The following RBM18 variants were observed in gnomAD, a reference collection of about 807,000 sequenced individuals.
RBM18 encodes RNA binding motif protein 18.
RBM18 carries 18 observed loss-of-function variants against 26.4 expected under a neutral mutation model. The ratio of observed to expected loss-of-function variants is 0.68; its 90% CI spans 0.47 to 1.01. The LOEUF (loss-of-function observed/expected upper bound fraction) is 1.01, where lower values mean the gene tolerates loss of function less well. RBM18 is among the 50% of genes least tolerant of loss of function. The pLI, the probability that RBM18 is intolerant of heterozygous loss-of-function variation, is 0.00. For synonymous variants in RBM18, 74 were observed against 81.1 expected, an observed-to-expected ratio of 0.91 and a Z score of 0.47; for missense variants, 180 against 219.2, an observed-to-expected ratio of 0.82 and a Z score of 1.13.
intron 2 of RBM18, among the ~76,000 whole-genome samples, chr9:122,255,083 C>T (rs916308213): frequency 1.8e-4 from 28 of 152,060 alleles, no homozygotes; most frequent in African/African-American, 2.9e-4. Flanking sequence ...ATTTTAATTT[C>T]GGGTTGTAGG....
At chr9:122,246,583 T>C (rs775057720) in intron 4 of RBM18, among the ~76,000 whole-genome samples, 1 of 152,236 alleles carries the variant, frequency 6.6e-6, no homozygotes, top group African/African-American at 2.4e-5. Flanking sequence ...GTCCTAGAAA[T>C]TGAGAAGGCT....
At position 122,238,468 on chromosome 9, in the gene RBM18, T is replaced by A. The variant is rs948112665; in HGVS notation, c.*3416A>T. ...GATCATTAACATTTGAGCAGAGACA[T>A]GAGTCAGGTGAGAGAGCGGGCTCTG... On this transcript the variant is annotated 3_prime_UTR_variant, in exon 6 of 6. Transcript: ENST00000417201. 1 of 152,144 alleles carries A rather than the reference T, an allele frequency of 6.6e-6. No homozygotes were observed. The allele number at this position is 152,144 out of a possible 1,614,324, so 9.4% of individuals were successfully genotyped here.
At chr9:122,263,960 T>C (rs927843689) in intron 1 of RBM18, among the ~76,000 whole-genome samples, 2 of 152,242 alleles carry the variant, frequency 1.3e-5, no homozygotes, top group African/African-American at 4.8e-5. Flanking sequence ...TCCTTGTTAT[T>C]CTATATCATA....
Position 122,241,704 on chromosome 9 carries a change from A to AT in RBM18, c.*179dup. 5 of 548,042 alleles carry AT rather than the reference A, an allele frequency of 9.1e-6. No individual in the cohort carries two copies. Among genetic ancestry groups the AT allele is most frequent in the Non-Finnish European group, 1.6e-5 (5 of 314,114 alleles). The allele number at this position is 548,042 out of a possible 1,614,324, so 33.9% of individuals were successfully genotyped here. A position where few individuals can be genotyped will look rare whatever the true frequency, so the allele number is the denominator to read the frequency against. ...CGCTATTTATTCTGGATGATGCTCAATTCCATACATAGTTTAGGGAAGAAA... is the reference window on the plus strand; with the variant it reads ...CGCTATTTATTCTGGATGATGCTCAATTTCCATACATAGTTTAGGGAAGAAA... On this transcript the variant is annotated 3_prime_UTR_variant, in exon 6 of 6. Transcript: ENST00000417201.
At chr9:122,250,935 T>A (rs1424429218) in intron 3 of RBM18, among the ~76,000 whole-genome samples, 2 of 151,384 alleles carry the variant, frequency 1.3e-5, no homozygotes, top group Non-Finnish European at 2.9e-5. Flanking sequence ...TTATTATTAT[T>A]ATGAGATGGA....
chr9:122,242,712 C>T (rs1012862313), intron 5 of RBM18, among the ~76,000 whole-genome samples: 10 of 151,484 alleles, frequency 6.6e-5, no homozygotes, highest in African/African-American at 2.4e-4. Context: ...GGCTGTAATA[C>T]AGTGGTGCCA....
intron 2 of RBM18, among the ~76,000 whole-genome samples, chr9:122,258,514 G>T (rs942089369): frequency 6.6e-6 from 1 of 152,102 alleles, no homozygotes; most frequent in South Asian, 2.1e-4. Context: ...TGATTCACCC[G>T]CCTCGGCCTC....
At chr9:122,262,324 T>TCA (rs1160595496) in intron 1 of RBM18, among the ~76,000 whole-genome samples, 1 of 152,230 alleles carries the variant, frequency 6.6e-6, no homozygotes, top group Non-Finnish European at 1.5e-5. Context: ...TTCCCTCATC[T>TCA]GTAAAATGGG....
At chr9:122,250,068 TA>T (rs59558933) in intron 3 of RBM18, among the ~76,000 whole-genome samples, 10 of 107,164 alleles carry the variant, frequency 9.3e-5, no homozygotes, top group African/African-American at 1.7e-4. Context: ...AGACCTTATT[TA>T]AAAAAAAAAA....
In RBM18 at chr9:122,247,584, C is replaced by T. The variant is rs1449344732; in HGVS notation, c.261G>A (p.Gln87=). ...ACAGGGCCAACTTGCCATTGAGACA[C>T]TGGATGGCTTGCTCTGCTTCCTGTC... is the stretch of plus-strand genomic sequence containing the variant. ...ETKQEAEQAI[Q]CLNGKLALSK... The change falls in exon 4 of 6, where the codon CAG becomes CAA. Residue 87 remains glutamine (Q), a synonymous_variant. Coordinates refer to ENST00000417201, the MANE Select transcript of RBM18 (RefSeq NM_033117.4). 2 of 1,613,934 alleles carry T rather than the reference C, an allele frequency of 1.2e-6. No individual in the cohort carries two copies. The highest frequency in any genetic ancestry group is 1.7e-6 in the Non-Finnish European group (2 of 1,179,994).
chr9:122,262,342 C>T (rs975861836), intron 1 of RBM18, among the ~76,000 whole-genome samples: 4 of 152,160 alleles, frequency 2.6e-5, no homozygotes. Flanking sequence ...GGGGATAATG[C>T]CTCATGAAAT....
chr9:122,247,376 A>C (rs1831520722), intron 4 of RBM18, 142 bp downstream of exon 4: 1 of 694,046 alleles, frequency 1.4e-6, no homozygotes, highest in Non-Finnish European at 2.5e-6. Flanking sequence ...CGGGCAACAC[A>C]CATGGTAGAT....
rs969833827 is a variant in RBM18 at position 122,238,957 on chromosome 9, T to A, written c.*2927A>T. 6.6e-6 allele frequency: 1 copy of A among 152,172 alleles called. No homozygotes were observed. The highest frequency in any genetic ancestry group is 3.4e-3 in the Middle Eastern group (1 of 294). 9.4% of individuals were successfully genotyped at this position (152,172 alleles called of 1,614,324 possible). ...TGACAGGATTTGTTGAAGAACTAGA[T>A]AGGAGCTGGAGAGAAAAAGAGAAAA... On this transcript the variant is annotated 3_prime_UTR_variant, in exon 6 of 6. Transcript: ENST00000417201.
At chr9:122,252,015 T>C in intron 2 of RBM18, 42 bp from the exon 3 acceptor site, 1 of 1,607,014 alleles carries the variant, frequency 6.2e-7, no homozygotes, top group Non-Finnish European at 8.5e-7. Context: ...CTGGGAATTC[T>C]GTTGGCCACT....
At chr9:122,252,661 C>A (rs1261806302) in intron 2 of RBM18, among the ~76,000 whole-genome samples, 2 of 152,218 alleles carry the variant, frequency 1.3e-5, no homozygotes, top group African/African-American at 2.4e-5. Flanking sequence ...GGGAACCTGG[C>A]CAGTCCTATA....
chr9:122,243,213 C>A (rs1332448467), intron 5 of RBM18, among the ~76,000 whole-genome samples: 1 of 152,100 alleles, frequency 6.6e-6, no homozygotes, highest in Non-Finnish European at 1.5e-5. Context: ...TTCAAGTAAT[C>A]CTCCTGCCTC....
chr9:122,247,762 A>G (rs79992592), intron 3 of RBM18, among the ~76,000 whole-genome samples, 158 bp from the exon 4 acceptor site: 1 of 151,030 alleles, frequency 6.6e-6, no homozygotes, highest in African/African-American at 2.4e-5. Context: ...GCAGAATTTT[A>G]AAAAGGGCAT....
intron 2 of RBM18, among the ~76,000 whole-genome samples, chr9:122,258,036 C>T (rs149567046): frequency 2.0e-5 from 3 of 152,258 alleles, no homozygotes; most frequent in Non-Finnish European, 4.4e-5. Context: ...TGTAATCCTT[C>T]AATGTTTGGG....
intron 5 of RBM18, among the ~76,000 whole-genome samples, chr9:122,244,505 C>T (rs1831473179): frequency 6.6e-6 from 1 of 152,162 alleles, no homozygotes; most frequent in East Asian, 1.9e-4. Flanking sequence ...GTCTAATAGA[C>T]CTGGCTTTAA....
Sources: gnomAD v4.1 joint callset for allele counts (sites outside exome capture counted in the v4.1 genomes callset) on GRCh38, gnomAD v4.1.1 for gene constraint, MANE v1.5 for transcripts, NCBI Gene and HGNC (gene_info 2026-07-23, HGNC 2026-07-21) for gene names.